Variants in PLD5 observed in about 807,000 individuals in gnomAD.
PLD5 encodes inactive phospholipase D5.
In PLD5, 36 loss-of-function variants were observed where a neutral mutation model predicts 61.1. That is an observed-to-expected ratio of 0.59 (90% confidence interval 0.45 to 0.78). The LOEUF is 0.78. Ranked by LOEUF, PLD5 falls within the 30% of genes least tolerant of loss-of-function variation. PLD5 has a pLI of 0.00. For synonymous variants in PLD5, 243 were observed against 242.8 expected (o/e 1.00, Z -0.01); for missense variants, 515 against 644.4 (o/e 0.80, Z 2.17).
At chr1:242,488,590 G>T (rs1668039062) in intron 1 of PLD5, among the ~76,000 whole-genome samples, 1 of 152,200 alleles carries the variant, frequency 6.6e-6, no homozygotes, top group African/African-American at 2.4e-5. Context: ...CTCAGGGGAG[G>T]AAGGGATGAA....
intron 1 of PLD5, among the ~76,000 whole-genome samples, chr1:242,515,066 C>T (rs370387099): frequency 1.3e-5 from 2 of 152,252 alleles, no homozygotes; most frequent in East Asian, 1.9e-4. Flanking sequence ...ATGTTTACTT[C>T]GTAACCAACA....
Position 242,083,732 on chromosome 1 carries a change from G to T in PLD5, c.*6122C>A, listed in dbSNP as rs182047092. ...ACTATTAAGTGAAATTGTAGATTACGCTCTGATTTGAATGTTATTGGATCA... is the reference window on the plus strand; with the variant it reads ...ACTATTAAGTGAAATTGTAGATTACTCTCTGATTTGAATGTTATTGGATCA... On this transcript the variant is annotated 3_prime_UTR_variant, in exon 10 of 10. Coordinates refer to ENST00000536534, the MANE Select transcript of PLD5 (RefSeq NM_001372062.1). 21 of 152,112 alleles carry T rather than the reference G, an allele frequency of 1.4e-4. 1 individual carries two copies. Among genetic ancestry groups the T allele is most frequent in the African/African-American group, 4.8e-4 (20 of 41,428 alleles). The allele number at this position is 152,112 out of a possible 1,614,324, so 9.4% of individuals were successfully genotyped here. A position where few individuals can be genotyped will look rare whatever the true frequency, so the allele number is the denominator to read the frequency against.
intron 5 of PLD5, among the ~76,000 whole-genome samples, chr1:242,217,491 G>A (rs184208701): frequency 1.3e-5 from 2 of 151,590 alleles, no homozygotes; most frequent in African/African-American, 4.9e-5. Context: ...GGGCGTGGTG[G>A]TACATGCCTG....
chr1:242,366,513 T>A (rs2149242206), intron 1 of PLD5, among the ~76,000 whole-genome samples: 1 of 152,338 alleles, frequency 6.6e-6, no homozygotes, highest in East Asian at 1.9e-4. Flanking sequence ...GATTCATTCC[T>A]TTTCAAGGAG....
In PLD5 at chr1:242,142,714, TTCTCTC is replaced by T. The variant is rs35627694; in HGVS notation, c.736-18055_736-18050del. Among the ~76,000 whole-genome samples, 305 of 90,084 alleles carry T rather than the reference TTCTCTC, an allele frequency of 3.4e-3. 2 individuals carry two copies. Among genetic ancestry groups the T allele is most frequent in the Non-Finnish European group, 4.8e-3 (209 of 43,322 alleles). 59.1% of individuals were successfully genotyped at this position (90,084 alleles called of 152,430 possible). Reference sequence around the variant, plus strand: ...TGCTGTAAGGTGTAGAGCTGTGTCTTTCTCTCTCTCTCTCTCTCTCTCTCTCTCTCT... The same window carrying T: ...TGCTGTAAGGTGTAGAGCTGTGTCTTTCTCTCTCTCTCTCTCTCTCTCTCT... On this transcript the variant is annotated intron_variant, in intron 5 of 9. Coordinates refer to ENST00000536534, the MANE Select transcript of PLD5 (RefSeq NM_001372062.1).
chr1:242,313,242 A>T (rs1321994536), intron 2 of PLD5, among the ~76,000 whole-genome samples: 2 of 152,212 alleles, frequency 1.3e-5, no homozygotes, highest in Middle Eastern at 3.2e-3. Context: ...TTATGCTTTA[A>T]TCACAAACTT....
chr1:242,151,144 C>G (rs1415448266), intron 5 of PLD5, among the ~76,000 whole-genome samples: 1 of 151,848 alleles, frequency 6.6e-6, no homozygotes, highest in Non-Finnish European at 1.5e-5. Flanking sequence ...TTTATGTATT[C>G]TAAAACATAC....
intron 5 of PLD5, among the ~76,000 whole-genome samples, chr1:242,149,670 T>TACACACAC (rs58100712): frequency 1.0e-4 from 15 of 146,594 alleles, no homozygotes; most frequent in African/African-American, 3.7e-4. Context: ...TTTATACACA[T>TACACACAC]ACACACACAC....
chr1:242,407,558 TTTG>T lies in PLD5; in HGVS notation c.190-59319_190-59317del, dbSNP rs1233748273. Among the ~76,000 whole-genome samples the T allele has an allele frequency of 8.6e-3, 994 of 115,542 alleles. 18 individuals are homozygous for T. Among genetic ancestry groups the T allele is most frequent in the African/African-American group, 0.04 (953 of 23,548 alleles). 75.8% of individuals were successfully genotyped at this position (115,542 alleles called of 152,430 possible). ...TACATAGTTTTTTTGTTGTGGTTGT[TTTG>T]TTTTTTTTTTTTTTTTTTGAGACGG... is the stretch of plus-strand genomic sequence containing the variant. On this transcript the variant is annotated intron_variant, in intron 1 of 9. Coordinates refer to ENST00000536534, the MANE Select transcript of PLD5 (RefSeq NM_001372062.1).
At chr1:242,384,306 T>G (rs2149258617) in intron 1 of PLD5, among the ~76,000 whole-genome samples, 1 of 152,336 alleles carries the variant, frequency 6.6e-6, no homozygotes, top group South Asian at 2.1e-4. Flanking sequence ...AGTTTCCATG[T>G]GTTGCTGGCT....
intron 4 of PLD5, among the ~76,000 whole-genome samples, chr1:242,225,152 C>G (rs1467360872): frequency 6.6e-6 from 1 of 151,988 alleles, no homozygotes; most frequent in Non-Finnish European, 1.5e-5. Context: ...AGTGGTTTCT[C>G]TTTGCTGTTG....
intron 6 of PLD5, among the ~76,000 whole-genome samples, chr1:242,124,175 G>T (rs975635457): frequency 6.6e-6 from 1 of 152,136 alleles, no homozygotes; most frequent in Admixed American, 6.5e-5. Context: ...AGTAGGTAAG[G>T]TCGATACCTT....
chr1:242,226,817 A>T (rs1574560510), intron 4 of PLD5, among the ~76,000 whole-genome samples: 1 of 152,192 alleles, frequency 6.6e-6, no homozygotes. Flanking sequence ...CTGTTTCTTT[A>T]CTAAACTGTT....
At chr1:242,285,270 G>C (rs1674957371) in intron 3 of PLD5, among the ~76,000 whole-genome samples, 2 of 152,166 alleles carry the variant, frequency 1.3e-5, no homozygotes, top group South Asian at 2.1e-4. Flanking sequence ...GGAGACCGTG[G>C]TGGGTGGATG....
intron 1 of PLD5, among the ~76,000 whole-genome samples, chr1:242,379,571 G>T (rs10926708): frequency 6.6e-6 from 1 of 151,914 alleles, no homozygotes; most frequent in South Asian, 2.1e-4. Context: ...GCATACAATC[G>T]ACAGTAGTTA....
chr1:242,298,450 C>T (rs187811379), intron 2 of PLD5, among the ~76,000 whole-genome samples: 160 of 152,280 alleles, frequency 1.1e-3, no homozygotes, highest in Middle Eastern at 3.4e-3. Flanking sequence ...GGGCTCCCAG[C>T]GGCCAGGGGT....
chr1:242,524,215 C>T lies in PLD5; in HGVS notation c.62G>A (p.Arg21Lys), dbSNP rs1476677949. Residue 21 changes from arginine (R) to lysine (K), a missense_variant, in exon 1 of 10, where the codon AGG (arginine) becomes AAG (lysine). Arg to Lys is a conservative substitution (Grantham distance 26). This residue lies in a region of PLD5 where 65 missense variants were observed against 46.3 expected (regional missense o/e 1.40). Coordinates refer to ENST00000536534, the MANE Select transcript of PLD5 (RefSeq NM_001372062.1). ...GGGCTCCTTGGGGCGGCTTTTGAGCCTCATCTGCTCGAAGCCCTCATGGGG... is the reference window on the plus strand; with the variant it reads ...GGGCTCCTTGGGGCGGCTTTTGAGCTTCATCTGCTCGAAGCCCTCATGGGG... ...ASPHEGFEQM[R>K]LKSRPKEPSP... 1.3e-6 allele frequency: 2 copies of T among 1,532,232 alleles called. No individual in the cohort carries two copies. Among genetic ancestry groups the T allele is most frequent in the African/African-American group, 1.4e-5 (1 of 72,594 alleles). The allele number at this position is 1,532,232 out of a possible 1,614,324, so 94.9% of individuals were successfully genotyped here. A position where few individuals can be genotyped will look rare whatever the true frequency, so the allele number is the denominator to read the frequency against.
intron 1 of PLD5, among the ~76,000 whole-genome samples, chr1:242,418,050 A>G (rs1664925155): frequency 6.6e-6 from 1 of 152,228 alleles, no homozygotes; most frequent in African/African-American, 2.4e-5. Flanking sequence ...CTTTTGCCAC[A>G]ATCCAGGGGA....
intron 1 of PLD5, among the ~76,000 whole-genome samples, chr1:242,427,254 C>T (rs185847262): frequency 6.6e-6 from 1 of 152,224 alleles, no homozygotes; most frequent in Admixed American, 6.5e-5. Context: ...TCAAAAGTCT[C>T]AAGGATACTG....
Sources: gnomAD v4.1 joint callset for allele counts (sites outside exome capture counted in the v4.1 genomes callset) on GRCh38, gnomAD v4.1.1 for gene constraint, gnomAD v4.1.1 regional missense constraint, MANE v1.5 for transcripts, NCBI Gene and HGNC (gene_info 2026-07-23, HGNC 2026-07-21) for gene names.